The following PAN3 variants were observed in gnomAD, a reference collection of about 807,000 sequenced individuals.
PAN3 encodes the protein PAN2-PAN3 deadenylation complex subunit PAN3.
PAN3 carries 19 observed loss-of-function variants against 96.2 expected under a neutral mutation model. The observed-to-expected ratio is 0.20, with a 90% CI of 0.14 to 0.29. The LOEUF (loss-of-function observed/expected upper bound fraction) is 0.29, where lower values mean the gene tolerates loss of function less well. PAN3 is among the 10% of genes least tolerant of loss of function. The pLI, the probability that PAN3 is intolerant of heterozygous loss-of-function variation, is 1.00. For missense variants in PAN3, 882 were observed against 1,108.1 expected (o/e 0.80, Z 2.90); for synonymous variants, 433 against 406.6 (o/e 1.06, Z -0.78).
chr13:28,169,000 A>G (rs1460799605), intron 1 of PAN3, among the ~76,000 whole-genome samples: 1 of 151,554 alleles, frequency 6.6e-6, no homozygotes, highest in Non-Finnish European at 1.5e-5. Context: ...TGGGCGACAG[A>G]GCGAGACTCC....
chr13:28,198,117 CAGAAA>C (rs999713369), intron 5 of PAN3, among the ~76,000 whole-genome samples: 8 of 151,764 alleles, frequency 5.3e-5, no homozygotes, highest in African/African-American at 1.5e-4. Context: ...TACAAATATA[CAGAAA>C]AGAAAAGAAA....
At chr13:28,268,294 C>A (rs1886353428) in intron 12 of PAN3, among the ~76,000 whole-genome samples, 1 of 151,810 alleles carries the variant, frequency 6.6e-6, no homozygotes, top group Non-Finnish European at 1.5e-5. Flanking sequence ...TTTTTATATT[C>A]TCTGAATATA....
chr13:28,196,775 TAAAA>T (rs1421432671), intron 4 of PAN3, among the ~76,000 whole-genome samples: 1 of 152,172 alleles, frequency 6.6e-6, no homozygotes, highest in Non-Finnish European at 1.5e-5. Context: ...GCGAACTTTA[TAAAA>T]AAGAAAAATC....
At chr13:28,291,492 G>T (rs936541031) in intron 18 of PAN3, among the ~76,000 whole-genome samples, 6 of 152,102 alleles carry the variant, frequency 3.9e-5, no homozygotes, top group Admixed American at 2.0e-4. Context: ...AATTTAAATA[G>T]CAAGGTGCTC....
Position 28,147,178 on chromosome 13 carries a change from C to A in PAN3, c.430+8091C>A, listed in dbSNP as rs1439793664. ...ATTTTAATTTTATTGCGGTTTCTTA[C>A]AAAATAAAACTAGCCTTTGGCTAGT... On this transcript the variant is annotated intron_variant, in intron 1 of 18. Coordinates refer to ENST00000380958, the MANE Select transcript of PAN3 (RefSeq NM_175854.8). 3.3e-5 allele frequency among the ~76,000 whole-genome samples: 5 copies of A among 152,124 alleles called. No individual in the cohort carries two copies. The South Asian group carries it at 6.2e-4, about 19-fold the overall frequency.
chr13:28,219,368 T>C (rs1881140264), intron 5 of PAN3, among the ~76,000 whole-genome samples: 1 of 152,158 alleles, frequency 6.6e-6, no homozygotes, highest in Non-Finnish European at 1.5e-5. Flanking sequence ...TTTTGGAGTT[T>C]ACATTTGGGT....
At chr13:28,170,007 A>G (rs1400824339) in intron 1 of PAN3, among the ~76,000 whole-genome samples, 1 of 152,112 alleles carries the variant, frequency 6.6e-6, no homozygotes, top group Non-Finnish European at 1.5e-5. Flanking sequence ...AGATCACACC[A>G]CTGCACTCTA....
intron 5 of PAN3, among the ~76,000 whole-genome samples, chr13:28,217,580 C>CAAAAAACAAAA (rs145185094): frequency 7.7e-6 from 1 of 129,562 alleles, no homozygotes; most frequent in East Asian, 2.1e-4. Flanking sequence ...GATTCTGTCT[C>CAAAAAACAAAA]AAAAAACAAA....
intron 1 of PAN3, among the ~76,000 whole-genome samples, chr13:28,141,007 T>TTATTTTA (rs758738862): frequency 5.9e-5 from 8 of 135,142 alleles, no homozygotes; most frequent in South Asian, 2.4e-4. Flanking sequence ...GAGACACTTT[T>TTATTTTA]TTTTTTTTTT....
chr13:28,171,819 G>C (rs549472345), intron 1 of PAN3, among the ~76,000 whole-genome samples: 1 of 152,286 alleles, frequency 6.6e-6, no homozygotes, highest in African/African-American at 2.4e-5. Context: ...CTCCTCACTG[G>C]AAGATGGTTG....
chr13:28,241,029 AG>A (rs1343086024), intron 6 of PAN3, among the ~76,000 whole-genome samples: 1 of 152,212 alleles, frequency 6.6e-6, no homozygotes, highest in Admixed American at 6.5e-5. Flanking sequence ...CTGGGAACCG[AG>A]GTGGCAAGGT....
chr13:28,220,522 T>C, intron 6 of PAN3, 144 bp downstream of exon 6: 1 of 882,776 alleles, frequency 1.1e-6, no homozygotes, highest in Non-Finnish European at 1.6e-6. Flanking sequence ...TTTGGTACCA[T>C]AGGCCAAATG....
chr13:28,290,735 T>G (rs2138770788), intron 18 of PAN3, among the ~76,000 whole-genome samples: 1 of 152,244 alleles, frequency 6.6e-6, no homozygotes, highest in African/African-American at 2.4e-5. Flanking sequence ...ACTAATTCAG[T>G]ATGAGTTATA....
intron 17 of PAN3, among the ~76,000 whole-genome samples, chr13:28,285,149 G>A (rs189877632): frequency 6.2e-4 from 94 of 152,206 alleles, no homozygotes; most frequent in African/African-American, 2.2e-3. Flanking sequence ...GTATATATGA[G>A]AATTCTTGAT....
chr13:28,156,626 A>G (rs1264793972), intron 1 of PAN3, among the ~76,000 whole-genome samples: 8 of 152,206 alleles, frequency 5.3e-5, no homozygotes, highest in African/African-American at 1.9e-4. Context: ...CTTCAGGCCA[A>G]TATCCTTGAT....
chr13:28,146,210 A>G (rs926193371), intron 1 of PAN3, among the ~76,000 whole-genome samples: 5 of 151,880 alleles, frequency 3.3e-5, no homozygotes, highest in African/African-American at 1.2e-4. Context: ...TTTTCTACAC[A>G]TTGTATGGTA....
intron 2 of PAN3, among the ~76,000 whole-genome samples, chr13:28,175,052 G>A (rs1009106370): frequency 2.6e-5 from 4 of 151,792 alleles, no homozygotes; most frequent in Non-Finnish European, 4.4e-5. Context: ...ATGAGTTTTT[G>A]TTGATTTGTA....
At chr13:28,173,549 A>G (rs1166010971) in intron 1 of PAN3, among the ~76,000 whole-genome samples, 4 of 152,192 alleles carry the variant, frequency 2.6e-5, no homozygotes, top group Non-Finnish European at 5.9e-5. Context: ...CATCCCTTCT[A>G]TCCACATTTT....
chr13:28,254,050 A>G (rs1253480678), intron 6 of PAN3, among the ~76,000 whole-genome samples: 1 of 152,168 alleles, frequency 6.6e-6, no homozygotes, highest in Non-Finnish European at 1.5e-5. Flanking sequence ...CTTTCCCTTC[A>G]GCCAATGCTA....
Sources: allele counts gnomAD v4.1 joint callset (sites outside exome capture counted in the v4.1 genomes callset), GRCh38; gene constraint gnomAD v4.1.1; transcripts MANE v1.5; gene names NCBI Gene and HGNC (gene_info 2026-07-23, HGNC 2026-07-21).